The following FBXL2 variants were observed in gnomAD, a reference collection of about 807,000 sequenced individuals.
FBXL2 encodes the protein F-box and leucine rich repeat protein 2.
FBXL2 carries 38 observed loss-of-function variants against 69.2 expected under a neutral mutation model. That is an observed-to-expected ratio of 0.55 (90% CI 0.42 to 0.72). The LOEUF (loss-of-function observed/expected upper bound fraction) is 0.72, where lower values mean the gene tolerates loss of function less well. Ranked by LOEUF, FBXL2 falls within the 30% of genes least tolerant of loss-of-function variation. The probability of loss-of-function intolerance (pLI) is 0.00; values close to 1 mark genes in which losing one functional copy is unlikely to be tolerated. For synonymous variants in FBXL2, 192 were observed against 201.3 expected (o/e 0.95, Z 0.39); for missense variants, 354 against 520.3 (o/e 0.68, Z 3.11).
intron 4 of FBXL2, among the ~76,000 whole-genome samples, chr3:33,362,375 G>A (rs142052209): frequency 1.2e-4 from 19 of 152,156 alleles, no homozygotes. Context: ...CCATTTTAGG[G>A]CTTATTTTTC....
At chr3:33,286,170 T>C (rs2125683369) in intron 1 of FBXL2, among the ~76,000 whole-genome samples, 1 of 152,370 alleles carries the variant, frequency 6.6e-6, no homozygotes, top group East Asian at 1.9e-4. Flanking sequence ...TTTGTGGTTT[T>C]ATCTACCTTT....
At chr3:33,293,810 T>A (rs2035486355) in intron 1 of FBXL2, among the ~76,000 whole-genome samples, 4 of 152,132 alleles carry the variant, frequency 2.6e-5, no homozygotes, top group African/African-American at 9.7e-5. Flanking sequence ...CTTTCAATAA[T>A]AGAACATTTA....
intron 2 of FBXL2, among the ~76,000 whole-genome samples, chr3:33,318,110 T>C (rs903464787): frequency 6.6e-6 from 1 of 150,970 alleles, no homozygotes; most frequent in African/African-American, 2.4e-5. Flanking sequence ...GCCCCAGACG[T>C]CTTTTGTTTT....
chr3:33,319,656 G>C (rs1215190711), intron 2 of FBXL2, among the ~76,000 whole-genome samples: 1 of 152,074 alleles, frequency 6.6e-6, no homozygotes, highest in Admixed American at 6.6e-5. Context: ...CTATACAGTT[G>C]ATTATGTATT....
intron 11 of FBXL2, 80 bp downstream of exon 11, chr3:33,377,413 T>TCACC: frequency 7.6e-7 from 1 of 1,323,790 alleles, no homozygotes. Flanking sequence ...GTTTTGGGTG[T>TCACC]GCAAAAGACT....
At chr3:33,375,149 A>C in intron 9 of FBXL2, 139 bp from the exon 10 acceptor site, 1 of 952,010 alleles carries the variant, frequency 1.1e-6, no homozygotes, top group Non-Finnish European at 1.6e-6. Context: ...TCTACCCTCT[A>C]CTTATTTTGT....
chr3:33,401,244 T>G (rs748473443), intron 12 of FBXL2, among the ~76,000 whole-genome samples: 70 of 152,206 alleles, frequency 4.6e-4, no homozygotes, highest in Admixed American at 9.8e-4. Flanking sequence ...CTTCTTCATC[T>G]GTACTAGTAA....
intron 2 of FBXL2, 142 bp from the exon 3 acceptor site, chr3:33,358,825 T>C: frequency 4.1e-6 from 2 of 492,948 alleles, no homozygotes; most frequent in Middle Eastern, 3.7e-4. Context: ...TGTAAAGTTA[T>C]AGTGCACTTG....
At chr3:33,401,999 A>G (rs1310687302) in intron 12 of FBXL2, among the ~76,000 whole-genome samples, 1 of 149,590 alleles carries the variant, frequency 6.7e-6, no homozygotes, top group East Asian at 1.9e-4. Flanking sequence ...CAGTTTATCC[A>G]TCTCCTCAGG....
intron 1 of FBXL2, among the ~76,000 whole-genome samples, chr3:33,295,089 C>A (rs912816403): frequency 2.6e-5 from 4 of 151,872 alleles, no homozygotes; most frequent in Non-Finnish European, 5.9e-5. Context: ...TTTTTTTAAT[C>A]CAGGTTTTAA....
At chr3:33,303,084 G>A (rs1469842518) in intron 2 of FBXL2, 1 of 456,646 alleles carries the variant, frequency 2.2e-6, no homozygotes, top group African/African-American at 2.0e-5. Context: ...CACTCCATGG[G>A]CTTTTTAAAG....
At chr3:33,396,615 A>G (rs895079175) in intron 12 of FBXL2, 6 of 404,678 alleles carry the variant, frequency 1.5e-5, no homozygotes, top group African/African-American at 1.0e-4. Flanking sequence ...AAGAGCAATG[A>G]TAGTAAATGG....
chr3:33,392,963 TG>T (rs1318176016), downstream of FBXL2: 6 of 313,650 alleles, frequency 1.9e-5, no homozygotes, highest in African/African-American at 8.6e-5. Flanking sequence ...ATATCTTACA[TG>T]TTTTTTTAAA....
intron 4 of FBXL2, among the ~76,000 whole-genome samples, chr3:33,359,857 A>G (rs1270781161): frequency 1.3e-5 from 2 of 152,280 alleles, no homozygotes; most frequent in South Asian, 2.1e-4. Context: ...GTCTTATACA[A>G]TTATTATATA....
intron 1 of FBXL2, among the ~76,000 whole-genome samples, chr3:33,281,916 A>G (rs1244564302): frequency 1.3e-5 from 2 of 151,978 alleles, no homozygotes; most frequent in African/African-American, 2.4e-5. Context: ...TTGTAAATTT[A>G]TTTAAGTTAT....
chr3:33,381,067 G>A (rs771465163), intron 13 of FBXL2, among the ~76,000 whole-genome samples: 5 of 152,160 alleles, frequency 3.3e-5, no homozygotes, highest in Non-Finnish European at 5.9e-5. Flanking sequence ...GAACCATGTT[G>A]GCAGCGGATT....
At chr3:33,281,445 T>C (rs1575578366) in intron 1 of FBXL2, among the ~76,000 whole-genome samples, 2 of 152,208 alleles carry the variant, frequency 1.3e-5, no homozygotes, top group South Asian at 4.1e-4. Context: ...AGTCTATCAT[T>C]GTTGGACATT....
At chr3:33,346,906 TATA>T (rs200229286) in intron 2 of FBXL2, among the ~76,000 whole-genome samples, 2,019 of 152,316 alleles carry the variant, frequency 0.013, 20 homozygotes, top group South Asian at 0.027. Flanking sequence ...GCATGCAGTG[TATA>T]ATAATCATAT....
chr3:33,386,227 T>G lies in FBXL2; in HGVS notation c.*619T>G, dbSNP rs1290711620. The stretch of plus-strand genomic sequence containing the variant: ...CTGGGTGGAGCAGGGTCTTCACCTT[T>G]TTGTTTCTGTCAACTTGTCATATAC... On this transcript the variant is annotated 3_prime_UTR_variant, in exon 15 of 15. Transcript: ENST00000484457. 6.5e-6 allele frequency: 1 copy of G among 154,106 alleles called. No homozygotes were observed. The highest frequency in any genetic ancestry group is 1.9e-4 in the East Asian group (1 of 5,200). The allele number at this position is 154,106 out of a possible 1,614,324, so 9.5% of individuals were successfully genotyped here.
Sources: gnomAD v4.1 joint callset for allele counts (sites outside exome capture counted in the v4.1 genomes callset) on GRCh38, gnomAD v4.1.1 for gene constraint, MANE v1.5 for transcripts, NCBI Gene and HGNC (gene_info 2026-07-23, HGNC 2026-07-21) for gene names.